The following SHISA6 variants were observed in gnomAD, a reference collection of about 807,000 sequenced individuals.
The protein encoded by SHISA6 is shisa family member 6.
In SHISA6, 22 loss-of-function variants were observed where a neutral mutation model predicts 47.9. The ratio of observed to expected loss-of-function variants is 0.46; its 90% CI spans 0.33 to 0.66. The LOEUF is 0.66. Among genes scored for constraint, SHISA6 ranks in the 30% least tolerant of loss-of-function variants. The probability of loss-of-function intolerance (pLI) is 0.02; values close to 1 mark genes in which losing one functional copy is unlikely to be tolerated. For missense variants in SHISA6, 680 were observed against 764.6 expected (o/e 0.89, Z 1.30); for synonymous variants, 388 against 337.8 (o/e 1.15, Z -1.63).
chr17:11,241,874 T>C lies in SHISA6; in HGVS notation c.452T>C (p.Val151Ala). The part of the protein sequence containing the change: ...QCTNYQSPVW[V>A]QTPSTKVVSP... Reference sequence around the variant, plus strand: ...ACCAACTACCAGAGCCCGGTGTGGGTACAGACGCCCAGCACCAAGGTGGTG... The same window carrying C: ...ACCAACTACCAGAGCCCGGTGTGGGCACAGACGCCCAGCACCAAGGTGGTG... The change falls in exon 1 of 6, where the codon GTA becomes GCA. Residue 151 changes from valine (V) to alanine (A), a missense_variant. Transcript: ENST00000441885. The surrounding 1 kb of genome is among the most constrained non-coding windows in gnomAD (Gnocchi z 5.5). The C allele has an allele frequency of 6.4e-7, 1 of 1,551,162 alleles. No homozygotes were observed. Among genetic ancestry groups the C allele is most frequent in the South Asian group, 1.2e-5 (1 of 84,040 alleles).
chr17:11,346,887 A>G (rs1597468458), intron 2 of SHISA6, among the ~76,000 whole-genome samples: 1 of 152,304 alleles, frequency 6.6e-6, no homozygotes, highest in South Asian at 2.1e-4. Flanking sequence ...TAGTCAGTCT[A>G]CTGATGATAT....
intron 3 of SHISA6, among the ~76,000 whole-genome samples, chr17:11,509,497 T>C (rs566651186): frequency 3.9e-5 from 6 of 152,330 alleles, no homozygotes; most frequent in Admixed American, 2.0e-4. Context: ...TCCTTGGTGG[T>C]GTAACCAGCA....
chr17:11,462,944 A>T (rs1208107931), intron 3 of SHISA6, among the ~76,000 whole-genome samples: 1 of 152,322 alleles, frequency 6.6e-6, no homozygotes, highest in East Asian at 1.9e-4. Context: ...GTAGGATAAA[A>T]AACGAAGAAG....
Position 11,560,311 on chromosome 17 carries a change from C to G in SHISA6, c.*2007C>G. 1 of 152,634 alleles carries G rather than the reference C, an allele frequency of 6.6e-6. No individual in the cohort carries two copies. The allele number at this position is 152,634 out of a possible 1,614,324, so 9.5% of individuals were successfully genotyped here. On this transcript the variant is annotated 3_prime_UTR_variant, in exon 6 of 6. Coordinates refer to ENST00000441885, the MANE Select transcript of SHISA6 (RefSeq NM_207386.4). ...CAGACCCCACACTGGGGATGCATTC[C>G]TGGAGTCGTGCGGCTGGAAGGCCAG...
chr17:11,556,639 C>A (rs987448468), intron 5 of SHISA6, among the ~76,000 whole-genome samples: 2 of 152,072 alleles, frequency 1.3e-5, no homozygotes, highest in Non-Finnish European at 2.9e-5. Context: ...GACAGAAGTG[C>A]AGCCCAAGTC....
At chr17:11,265,710 T>C (rs909646427) in intron 2 of SHISA6, among the ~76,000 whole-genome samples, 1 of 152,202 alleles carries the variant, frequency 6.6e-6, no homozygotes, top group African/African-American at 2.4e-5. Context: ...TGGTTGTTTA[T>C]CTTCCCCTCT....
chr17:11,307,779 T>A (rs1162226058), intron 2 of SHISA6, among the ~76,000 whole-genome samples: 5 of 152,148 alleles, frequency 3.3e-5, no homozygotes, highest in Non-Finnish European at 7.4e-5. Context: ...CTTCACATAA[T>A]GGTACATGCT....
At chr17:11,424,391 T>A (rs534904040) in intron 3 of SHISA6, among the ~76,000 whole-genome samples, 14 of 152,248 alleles carry the variant, frequency 9.2e-5, no homozygotes, top group African/African-American at 3.4e-4. Context: ...TATAACCAGC[T>A]AAACTATCAT....
chr17:11,352,765 A>T (rs1302343988), intron 2 of SHISA6, among the ~76,000 whole-genome samples: 1 of 152,194 alleles, frequency 6.6e-6, no homozygotes, highest in Non-Finnish European at 1.5e-5. Flanking sequence ...TGTAGGTCAA[A>T]CAGTGGTTCC....
intron 2 of SHISA6, among the ~76,000 whole-genome samples, chr17:11,286,385 G>A (rs987251093): frequency 2.0e-5 from 3 of 151,992 alleles, no homozygotes; most frequent in Admixed American, 6.6e-5. Flanking sequence ...GACCACCTAC[G>A]GAAGCCTTAT....
At chr17:11,263,076 A>G (rs193047050) in intron 1 of SHISA6, among the ~76,000 whole-genome samples, 6 of 152,268 alleles carry the variant, frequency 3.9e-5, no homozygotes, top group Admixed American at 3.9e-4. Context: ...ATAGGTGGAT[A>G]TTTGGGGAGC....
intron 2 of SHISA6, among the ~76,000 whole-genome samples, chr17:11,319,263 G>T (rs1910629087): frequency 2.0e-5 from 3 of 151,976 alleles, no homozygotes; most frequent in African/African-American, 7.3e-5. Flanking sequence ...ATTTTTAGTG[G>T]AGACGGGGTT....
chr17:11,493,477 T>C (rs2071382646), intron 3 of SHISA6, among the ~76,000 whole-genome samples: 1 of 152,210 alleles, frequency 6.6e-6, no homozygotes. Flanking sequence ...TCCGCCCACC[T>C]CGACCTCCCA....
At chr17:11,448,976 A>G (rs1670439801) in intron 3 of SHISA6, among the ~76,000 whole-genome samples, 1 of 152,090 alleles carries the variant, frequency 6.6e-6, no homozygotes, top group African/African-American at 2.4e-5. Context: ...TTTTATATTT[A>G]TATTTTATGC....
chr17:11,459,885 C>T (rs565863922), intron 3 of SHISA6, among the ~76,000 whole-genome samples: 1 of 152,310 alleles, frequency 6.6e-6, no homozygotes, highest in Non-Finnish European at 1.5e-5. Context: ...TTGCAGAGAG[C>T]CCCAGCTGTT....
chr17:11,498,457 A>G (rs1043662189), intron 3 of SHISA6, among the ~76,000 whole-genome samples: 1 of 152,216 alleles, frequency 6.6e-6, no homozygotes, highest in African/African-American at 2.4e-5. Flanking sequence ...TCAATAATAC[A>G]GTGGGGTGAC....
chr17:11,383,086 C>T (rs1208365949), intron 3 of SHISA6, among the ~76,000 whole-genome samples: 4 of 151,974 alleles, frequency 2.6e-5, no homozygotes, highest in Admixed American at 6.6e-5. Context: ...TACAGGCATG[C>T]GCCACCTTGC....
chr17:11,480,235 A>C (rs545824364), intron 3 of SHISA6, among the ~76,000 whole-genome samples: 3 of 151,972 alleles, frequency 2.0e-5, no homozygotes, highest in African/African-American at 4.8e-5. Flanking sequence ...TTGACATTCT[A>C]TTGTTTGATA....
intron 2 of SHISA6, among the ~76,000 whole-genome samples, chr17:11,282,992 G>C (rs933786111): frequency 2.6e-5 from 4 of 152,176 alleles, no homozygotes; most frequent in African/African-American, 7.2e-5. Flanking sequence ...TTTGCTCCAG[G>C]ATAGTTTCAT....
Sources: allele counts gnomAD v4.1 joint callset (sites outside exome capture counted in the v4.1 genomes callset), GRCh38; gene constraint gnomAD v4.1.1; non-coding constraint Gnocchi (gnomAD v3.1); transcripts MANE v1.5; gene names NCBI Gene and HGNC (gene_info 2026-07-23, HGNC 2026-07-21).